Variants in GATA4 observed in about 807,000 individuals in gnomAD.
GATA4 encodes GATA binding protein 4, also known as transcription factor GATA-4.
A neutral mutation model predicts 37.9 loss-of-function variants in GATA4; 7 were observed. That is an observed-to-expected ratio of 0.18 (90% CI 0.11 to 0.35). GATA4 has a LOEUF of 0.35. Among genes scored for constraint, GATA4 ranks in the 10% least tolerant of loss-of-function variants. The pLI is 1.00. For synonymous variants in GATA4, 372 were observed against 292.6 expected, an observed-to-expected ratio of 1.27 and a Z score of -2.77; for missense variants, 647 against 653.0, an observed-to-expected ratio of 0.99 and a Z score of 0.10.
intron 2 of GATA4, among the ~76,000 whole-genome samples, chr8:11,745,666 TGAG>T (rs1244417142): frequency 6.6e-5 from 10 of 152,090 alleles, no homozygotes; most frequent in African/African-American, 2.4e-4. Flanking sequence ...ACAATAATTG[TGAG>T]GAGAAAAGAG....
intron 1 of GATA4, chr8:11,683,093 C>A: frequency 1.0e-6 from 1 of 985,434 alleles, no homozygotes; most frequent in Non-Finnish European, 1.2e-6. Context: ...GCCTTCTCGC[C>A]GGATTGCCTT....
At chr8:11,702,421 G>T (rs767262159), upstream of GATA4, among the ~76,000 whole-genome samples, 2 of 151,876 alleles carry the variant, frequency 1.3e-5, no homozygotes, top group Non-Finnish European at 2.9e-5. The surrounding 1 kb of genome is among the most constrained non-coding windows in gnomAD (Gnocchi z 4.4). Context: ...TCTCCAGGAA[G>T]GCCTTGCAGG....
chr8:11,738,202 C>G (rs1038551357), intron 2 of GATA4, among the ~76,000 whole-genome samples: 1 of 147,616 alleles, frequency 6.8e-6, no homozygotes. Flanking sequence ...AAAAAAATCA[C>G]TATCACAAAT....
chr8:11,693,707 C>G (rs1218889085), intron 1 of GATA4, among the ~76,000 whole-genome samples: 1 of 152,056 alleles, frequency 6.6e-6, no homozygotes, highest in African/African-American at 2.4e-5. Context: ...GGAAACTATA[C>G]TGGGGCCTGC....
At chr8:11,738,006 C>A (rs1334643189) in intron 2 of GATA4, among the ~76,000 whole-genome samples, 1 of 151,916 alleles carries the variant, frequency 6.6e-6, no homozygotes, top group African/African-American at 2.4e-5. Context: ...CATGGTGAAA[C>A]CCTGTCTCTG....
At chr8:11,681,556 C>T in intron 1 of GATA4, 1 of 729,594 alleles carries the variant, frequency 1.4e-6, no homozygotes, top group East Asian at 1.3e-4. Flanking sequence ...TCTTTAGATA[C>T]TGAATATAAT....
Position 11,681,294 on chromosome 8 carries a change from G to C in GATA4, c.-274+4231G>C. ...CAGGCCTCCGCACGCTGAGGTTCCG[G>C]GGAAGAGCACTGTCTTCACCACTTC... On this transcript the variant is annotated intron_variant, in intron 1 of 6. Transcript: ENST00000528712. 5.1e-6 allele frequency: 5 copies of C among 985,380 alleles called. No individual in the cohort carries two copies. In the South Asian group the frequency reaches 1.4e-4, roughly 28 times the overall value. The allele number at this position is 985,380 out of a possible 1,614,324, so 61.0% of individuals were successfully genotyped here.
intron 1 of GATA4, chr8:11,692,677 G>T: frequency 2.0e-6 from 2 of 985,142 alleles, no homozygotes; most frequent in Non-Finnish European, 2.4e-6. Flanking sequence ...GCGGGGGTGC[G>T]GGGGTGAGGG....
At chr8:11,740,090 G>C (rs76636288) in intron 2 of GATA4, among the ~76,000 whole-genome samples, 5,284 of 152,280 alleles carry the variant, frequency 0.035, 133 homozygotes, top group Middle Eastern at 0.11. Context: ...TCCCCAGCCA[G>C]GGCTCCCCTG....
chr8:11,698,685 C>G (rs963695163), intron 1 of GATA4, among the ~76,000 whole-genome samples: 7 of 152,156 alleles, frequency 4.6e-5, no homozygotes, highest in Non-Finnish European at 1.0e-4. Flanking sequence ...CCCGGAGGCC[C>G]GGGGACTCCC....
chr8:11,756,545 A>G (rs141364969), intron 5 of GATA4: 14 of 333,660 alleles, frequency 4.2e-5, no homozygotes, highest in African/African-American at 2.1e-4. Context: ...TGTTTACTCC[A>G]TTCAGTATGA....
chr8:11,748,200 A>G (rs965748172), intron 2 of GATA4, among the ~76,000 whole-genome samples: 1 of 152,206 alleles, frequency 6.6e-6, no homozygotes, highest in Non-Finnish European at 1.5e-5. Flanking sequence ...CCTGGGCAAC[A>G]AGAGTGAAAC....
upstream of GATA4, among the ~76,000 whole-genome samples, chr8:11,703,986 C>T (rs1015338696): frequency 6.6e-6 from 1 of 152,256 alleles, no homozygotes; most frequent in African/African-American, 2.4e-5. Flanking sequence ...GCGGGTGATT[C>T]CCCGCTCCCT....
At position 11,699,112 on chromosome 8, in the gene GATA4, C is replaced by G. The variant is rs371738466; in HGVS notation, c.-728-1396C>G. On this transcript the variant is annotated intron_variant, in intron 1 of 2. Coordinates refer to the GATA4 transcript ENST00000526974. ...TACTGTAATCCTTGCTTTGGGCAGA[C>G]CAGGATTTTGATCACTGCATTCACA... 3.9e-5 allele frequency among the ~76,000 whole-genome samples: 6 copies of G among 152,338 alleles called. No individual in the cohort carries two copies. In the East Asian group the frequency reaches 1.2e-3, roughly 29 times the overall value.
At chr8:11,729,236 G>A (rs1801086747) in intron 2 of GATA4, among the ~76,000 whole-genome samples, 1 of 150,118 alleles carries the variant, frequency 6.7e-6, no homozygotes, top group Admixed American at 6.7e-5. Context: ...AGCTGAGGGA[G>A]TTGGGACCAG....
chr8:11,694,300 C>G (rs974657014), intron 1 of GATA4: 1 of 155,164 alleles, frequency 6.4e-6, no homozygotes, highest in African/African-American at 2.4e-5. Flanking sequence ...AAAGAACTCA[C>G]AGATCAGGTG....
At chr8:11,731,482 A>T (rs1029620278) in intron 2 of GATA4, among the ~76,000 whole-genome samples, 1 of 152,226 alleles carries the variant, frequency 6.6e-6, no homozygotes, top group Non-Finnish European at 1.5e-5. Flanking sequence ...TCACCAAAGG[A>T]CAAACACTCT....
upstream of GATA4, chr8:11,691,925 A>C: frequency 1.2e-6 from 1 of 804,086 alleles, no homozygotes; most frequent in Non-Finnish European, 1.5e-6. Flanking sequence ...GAAAAAAAAA[A>C]AATCAAAAAC....
chr8:11,748,459 G>A (rs1802135790), intron 2 of GATA4, among the ~76,000 whole-genome samples: 1 of 152,160 alleles, frequency 6.6e-6, no homozygotes, highest in Non-Finnish European at 1.5e-5. Context: ...AAACATTAGT[G>A]ACAATCTGGA....
Sources: allele counts gnomAD v4.1 joint callset (sites outside exome capture counted in the v4.1 genomes callset), GRCh38; gene constraint gnomAD v4.1.1; non-coding constraint Gnocchi (gnomAD v3.1); transcripts MANE v1.5; gene names NCBI Gene and HGNC (gene_info 2026-07-23, HGNC 2026-07-21).